GUSB: variants seen among roughly 807,000 people sequenced by gnomAD.
GUSB encodes glucuronidase beta.
In GUSB, 51 loss-of-function variants were observed where a neutral mutation model predicts 74.6. The observed-to-expected ratio is 0.68, with a 90% CI of 0.55 to 0.86. GUSB has a LOEUF of 0.86. GUSB is among the 40% of genes least tolerant of loss of function. The pLI, the probability that GUSB is intolerant of heterozygous loss-of-function variation, is 0.00. For missense variants in GUSB, 736 were observed against 853.7 expected (o/e 0.86, Z 1.72); for synonymous variants, 360 against 348.3 (o/e 1.03, Z -0.37).
In GUSB at chr7:65,982,014, C is replaced by A. The variant is rs769252159; in HGVS notation, c.170G>T (p.Arg57Leu). 42 of 1,609,876 alleles carry A rather than the reference C, an allele frequency of 2.6e-5. No homozygotes were observed. In the Admixed American group the frequency reaches 6.7e-4, roughly 26 times the overall value. Residue 57 changes from arginine (R) to leucine (L), a missense_variant, in exon 1 of 12, where the codon CGG becomes CTG. This residue lies in a region of GUSB where 368 missense variants were observed against 363.8 expected (regional missense o/e 1.01). Transcript: ENST00000304895. ...FRADFSDNRR[R>L]GFEEQWYRRP... ...CCGGTACCACTGCTCCTCGAAGCCC[C>A]GGCGTCGGTTGTCAGAGAAGTCGGC...
intron 1 of GUSB, chr7:65,980,663 A>G (rs1014790629): frequency 1.7e-4 from 90 of 529,304 alleles, no homozygotes; most frequent in Admixed American, 6.3e-4. Context: ...GCCCAGGGCC[A>G]CATCCCAGCC....
chr7:65,966,097 G>A (rs1429446769), intron 10 of GUSB, among the ~76,000 whole-genome samples: 1 of 151,966 alleles, frequency 6.6e-6, no homozygotes, highest in Non-Finnish European at 1.5e-5. Context: ...TTGAACCAGG[G>A]AGGTGGACAT....
rs1356559006 is a variant in GUSB, at chr7:65,976,125, T to G, written c.802A>C (p.Lys268Gln). The change falls in exon 5 of 12, where the codon AAA becomes CAA. Residue 268 changes from lysine (K) to glutamine (Q), a missense_variant. Physicochemically the swap from Lys to Gln is moderately conservative, Grantham distance 53 (BLOSUM62 1). This residue lies in a region of GUSB where 368 missense variants were observed against 363.8 expected (regional missense o/e 1.01). Transcript: ENST00000304895. ...LEVRLLDAEN[K>Q]VVANGTGTQG... is the part of the protein sequence containing the mutation. ...GTCCCAGTCCCATTCGCCACGACTT[T>G]GTTTTCTGCATCCAAAAGACGCACT... is the stretch of plus-strand genomic sequence containing the variant. 23 of 1,613,898 alleles carry G rather than the reference T, an allele frequency of 1.4e-5. No homozygotes were observed. Among genetic ancestry groups the G allele is most frequent in the Non-Finnish European group, 1.9e-5 (22 of 1,179,934 alleles).
intron 1 of GUSB, 110 bp from the exon 2 acceptor site, chr7:65,980,519 G>A (rs913370380): frequency 5.1e-6 from 5 of 985,802 alleles, no homozygotes; most frequent in Non-Finnish European, 7.9e-6. Context: ...ACATAGCGGG[G>A]ATTCTTGGCA....
intron 4 of GUSB, 120 bp from the exon 5 acceptor site, chr7:65,976,322 T>A (rs557530842): frequency 6.9e-6 from 5 of 725,480 alleles, no homozygotes; most frequent in Admixed American, 2.4e-5. Flanking sequence ...TTTTTAAATT[T>A]AATTTCTTAT....
intron 8 of GUSB, among the ~76,000 whole-genome samples, chr7:65,973,569 G>C (rs1293640920): frequency 6.6e-6 from 1 of 151,140 alleles, no homozygotes; most frequent in Non-Finnish European, 1.5e-5. Context: ...CCTGGCCACG[G>C]AGTGAGACTC....
At chr7:65,970,392 G>A (rs765761822) in intron 8 of GUSB, 26 bp from the exon 9 acceptor site, 1 of 1,508,976 alleles carries the variant, frequency 6.6e-7, no homozygotes, top group Non-Finnish European at 9.2e-7. Context: ...AGAAGAAACA[G>A]GTTCCATCAG....
intron 9 of GUSB, among the ~76,000 whole-genome samples, chr7:65,969,514 TAG>T (rs1040940254): frequency 3.3e-5 from 5 of 151,886 alleles, no homozygotes; most frequent in African/African-American, 7.3e-5. Context: ...CTGGGCAACA[TAG>T]AGAGATGCCA....
chr7:65,961,126 CAG>C, intron 11 of GUSB, 63 bp from the exon 12 acceptor site: 1 of 1,460,652 alleles, frequency 6.8e-7, no homozygotes, highest in African/African-American at 1.4e-5. Context: ...AAGTTAGAAC[CAG>C]TCTGGAGCTA....
intron 10 of GUSB, among the ~76,000 whole-genome samples, chr7:65,967,499 G>A (rs1790913249): frequency 6.6e-6 from 1 of 152,130 alleles, no homozygotes; most frequent in African/African-American, 2.4e-5. Flanking sequence ...CTTGGGCACG[G>A]GTGATAGGAG....
At chr7:65,980,185 G>GGGGGCCCCC in intron 2 of GUSB, 39 bp downstream of exon 2, 1 of 725,274 alleles carries the variant, frequency 1.4e-6, no homozygotes, top group Non-Finnish European at 2.4e-6. Context: ...CAGCAGCCGT[G>GGGGGCCCCC]CCCCCCCACC....
At position 65,979,828 on chromosome 7, in the gene GUSB, C is replaced by T. The variant is rs1791868486; in HGVS notation, c.480G>A (p.Gly160=). Residue 160 remains glycine, a synonymous_variant, in exon 3 of 12, where the codon GGG becomes GGA. Transcript: ENST00000304895. ...TGATTCGGAGCCGGGAGGGCAGGGG[C>T]CCCACCTGGACCAGGTTGCTGATGT... is the stretch of plus-strand genomic sequence containing the variant. The part of the protein sequence containing the change: ...EADISNLVQV[G]PLPSRLRITI... The T allele has an allele frequency of 6.2e-7, 1 of 1,613,584 alleles. No individual in the cohort carries two copies. Among genetic ancestry groups the T allele is most frequent in the South Asian group, 1.1e-5 (1 of 91,078 alleles).
At position 65,974,362 on chromosome 7, in the gene GUSB, CG is replaced by C; in HGVS notation, c.1323del (p.Ala442ArgfsTer3). On this transcript the variant is annotated frameshift_variant, in exon 8 of 12. Transcript: ENST00000304895. LOFTEE classifies it high-confidence loss of function. ...TTGGCCACAGACCACATCACGACCGCGGGGTGGTTCTTGTCCCTACGCACCA... is the reference window on the plus strand; with the variant it reads ...TTGGCCACAGACCACATCACGACCGCGGGTGGTTCTTGTCCCTACGCACCA... ...EEVVRRDKNH[P>X]AVVMWSVANE... 1 of 1,614,054 alleles carries C rather than the reference CG, an allele frequency of 6.2e-7. No individual in the cohort carries two copies. The highest frequency in any genetic ancestry group is 1.1e-5 in the South Asian group (1 of 91,082).
rs148037440 is a variant in GUSB at position 65,979,076 on chromosome 7, C to G, written c.724+323G>C. Among the ~76,000 whole-genome samples the G allele has an allele frequency of 7.9e-5, 12 of 152,252 alleles. No individual in the cohort carries two copies. In the East Asian group the frequency reaches 1.5e-3, roughly 20 times the overall value. On this transcript the variant is annotated intron_variant, in intron 4 of 11. Coordinates refer to ENST00000304895, the MANE Select transcript of GUSB (RefSeq NM_000181.4). ...AAGCCACCATGCCCGGCGCCCCCCC[C>G]ACCGAAGCTGCCTGTTCCTTGAGCA...
intron 4 of GUSB, among the ~76,000 whole-genome samples, chr7:65,976,852 G>A (rs1043212753): frequency 5.3e-5 from 8 of 151,986 alleles, no homozygotes; most frequent in African/African-American, 1.9e-4. Context: ...TGAAGTGGGA[G>A]GATTGCTTGA....
At chr7:65,966,869 T>C (rs190559197) in intron 10 of GUSB, among the ~76,000 whole-genome samples, 1 of 151,868 alleles carries the variant, frequency 6.6e-6, no homozygotes, top group African/African-American at 2.4e-5. Context: ...ATCAATTGAG[T>C]CCAGGAGTTT....
At position 65,970,349 on chromosome 7, in the gene GUSB, G is replaced by A. The variant is rs1791111402; in HGVS notation, c.1409C>T (p.Thr470Ile). The change falls in exon 9 of 12, where the codon ACC becomes ATC. Residue 470 changes from threonine (T) to isoleucine (I), a missense_variant. Thr to Ile is a moderately conservative substitution (Grantham distance 89). This residue lies in a region of GUSB where 368 missense variants were observed against 489.9 expected (regional missense o/e 0.75). Transcript: ENST00000304895. ...AGGCCGGGAGGGGTCCAAGGATTTG[G>A]TGTGAGCGATCACCATCCTGTCCAC... ...GYYLKMVIAH[T>I]KSLDPSRPVT... is the part of the protein sequence containing the mutation. 6.2e-7 allele frequency: 1 copy of A among 1,612,186 alleles called. No homozygotes were observed. Among genetic ancestry groups the A allele is most frequent in the Non-Finnish European group, 8.5e-7 (1 of 1,178,854 alleles).
At chr7:65,974,786 C>T in intron 6 of GUSB, 82 bp from the exon 7 acceptor site, 2 of 1,552,636 alleles carry the variant, frequency 1.3e-6, no homozygotes, top group Non-Finnish European at 1.8e-6. Flanking sequence ...GAGAGCCACC[C>T]CATGAGCCCC....
At chr7:65,964,546 C>G in intron 10 of GUSB, 88 bp from the exon 11 acceptor site, 2 of 1,232,902 alleles carry the variant, frequency 1.6e-6, no homozygotes, top group South Asian at 2.5e-5. Flanking sequence ...TGATGGTGAC[C>G]AAAATATCTG....
Sources: allele counts gnomAD v4.1 joint callset (sites outside exome capture counted in the v4.1 genomes callset), GRCh38; gene constraint gnomAD v4.1.1; regional missense constraint gnomAD v4.1.1; transcripts MANE v1.5; gene names NCBI Gene and HGNC (gene_info 2026-07-23, HGNC 2026-07-21).